Variants in PCDH15 observed in about 807,000 individuals in gnomAD.
PCDH15 encodes protocadherin-15.
Under a neutral mutation model 178.5 loss-of-function variants are expected in PCDH15, and 129 were observed. That is an observed-to-expected ratio of 0.72 (90% CI 0.63 to 0.84). PCDH15 has a LOEUF of 0.84. Ranked by LOEUF, PCDH15 falls within the 40% of genes least tolerant of loss-of-function variation. The probability of loss-of-function intolerance (pLI) is 0.00; values close to 1 mark genes in which losing one functional copy is unlikely to be tolerated. For missense variants in PCDH15, 2,230 were observed against 2,099.9 expected (o/e 1.06, Z -1.21); for synonymous variants, 800 against 732.0 (o/e 1.09, Z -1.50).
chr10:55,590,624 T>C (rs1406006124), intron 2 of PCDH15, among the ~76,000 whole-genome samples: 1 of 152,108 alleles, frequency 6.6e-6, no homozygotes, highest in Non-Finnish European at 1.5e-5. Flanking sequence ...ATGGCAGAAA[T>C]ATTTGTCTGT....
At chr10:54,691,931 TGCCAAGTAATACTTTG>T (rs2095129296) in intron 1 of PCDH15, among the ~76,000 whole-genome samples, 1 of 152,168 alleles carries the variant, frequency 6.6e-6, no homozygotes, top group African/African-American at 2.4e-5. Context: ...ATATAAAGTA[TGCCAAGTAATACTTTG>T]GCCACTTCAC....
intron 2 of PCDH15, among the ~76,000 whole-genome samples, chr10:55,076,749 T>C (rs1312492904): frequency 5.4e-5 from 8 of 148,602 alleles, no homozygotes; most frequent in Non-Finnish European, 1.0e-4. Context: ...TGAGCCATCA[T>C]GTGTGGCCTG....
At chr10:54,924,654 G>C (rs1359884479) in intron 2 of PCDH15, among the ~76,000 whole-genome samples, 1 of 151,902 alleles carries the variant, frequency 6.6e-6, no homozygotes, top group East Asian at 1.9e-4. Flanking sequence ...GGTGTAAGAT[G>C]GTATCCCATT....
chr10:54,610,585 T>C (rs1302171254), intron 2 of PCDH15, among the ~76,000 whole-genome samples: 4 of 151,922 alleles, frequency 2.6e-5, no homozygotes, highest in Admixed American at 2.6e-4. Flanking sequence ...GACAAAACAA[T>C]CCCTGGCTTT....
intron 3 of PCDH15, among the ~76,000 whole-genome samples, chr10:54,438,348 G>A (rs1443046478): frequency 2.0e-5 from 3 of 148,176 alleles, no homozygotes; most frequent in African/African-American, 5.0e-5. Flanking sequence ...TTCTTCTGTC[G>A]GGGAGTGAAT....
chr10:55,287,377 TAAACTTATATG>T (rs1461656834), intron 1 of PCDH15, among the ~76,000 whole-genome samples: 1 of 152,082 alleles, frequency 6.6e-6, no homozygotes, highest in East Asian at 1.9e-4. Context: ...AATAAATCAT[TAAACTTATATG>T]AGTTGGTAAC....
chr10:54,832,329 T>C (rs1399652854), intron 3 of PCDH15, among the ~76,000 whole-genome samples: 2 of 148,710 alleles, frequency 1.3e-5, no homozygotes, highest in Admixed American at 7.0e-5. Context: ...CAATGGAATA[T>C]ATAAATTGAG....
upstream of PCDH15, among the ~76,000 whole-genome samples, chr10:54,802,231 GA>G (rs989607755): frequency 1.1e-4 from 16 of 152,128 alleles, no homozygotes; most frequent in African/African-American, 3.9e-4. Flanking sequence ...CATGCCTCCA[GA>G]AATGTTGCCG....
At chr10:55,468,636 A>G (rs1839891104) in intron 2 of PCDH15, 1 of 152,168 alleles carries the variant, frequency 6.6e-6, no homozygotes, top group South Asian at 2.1e-4. Context: ...GTTATTGTTA[A>G]TTGTTATCCT....
At chr10:55,517,542 T>C (rs945496988) in intron 2 of PCDH15, among the ~76,000 whole-genome samples, 1 of 152,108 alleles carries the variant, frequency 6.6e-6, no homozygotes, top group Non-Finnish European at 1.5e-5. Flanking sequence ...AAAAATAAGC[T>C]GGTAGAAGAA....
At chr10:54,074,119 A>C (rs1444212319) in intron 17 of PCDH15, among the ~76,000 whole-genome samples, 1 of 152,222 alleles carries the variant, frequency 6.6e-6, no homozygotes, top group Non-Finnish European at 1.5e-5. Flanking sequence ...AGCAGAAAAT[A>C]GCCAGCAGGC....
intron 2 of PCDH15, among the ~76,000 whole-genome samples, chr10:54,938,911 G>A (rs1482208098): frequency 2.0e-5 from 3 of 152,114 alleles, no homozygotes; most frequent in African/African-American, 7.2e-5. Context: ...AAAGGATTGT[G>A]GCTAGCATCT....
chr10:53,986,730 C>T (rs1564934792), intron 21 of PCDH15, among the ~76,000 whole-genome samples: 1 of 152,150 alleles, frequency 6.6e-6, no homozygotes, highest in Non-Finnish European at 1.5e-5. Context: ...AGTCATAGGA[C>T]CAATACCGCA....
chr10:55,181,477 A>G (rs1839644676), intron 1 of PCDH15, among the ~76,000 whole-genome samples: 1 of 151,988 alleles, frequency 6.6e-6, no homozygotes, highest in South Asian at 2.1e-4. Flanking sequence ...ACCTTGATCC[A>G]CAATTATGCC....
rs202240183 is a variant in PCDH15, at chr10:54,992,757, GAAAA to G, written c.-79-95261_-79-95258del. Among the ~76,000 whole-genome samples, 3 of 121,084 alleles carry G rather than the reference GAAAA, an allele frequency of 2.5e-5. No homozygotes were observed. In the South Asian group the frequency reaches 7.5e-4, roughly 30 times the overall value. The allele number at this position is 121,084 out of a possible 152,430, so 79.4% of individuals were successfully genotyped here. ...GCGACAGAGTGATCCTCCATCTCAA[GAAAA>G]AAAAAAAAAAAGTGAAGTCAACATG... On this transcript the variant is annotated intron_variant, in intron 2 of 5. Coordinates refer to the PCDH15 transcript ENST00000458638.
At chr10:55,323,526 G>T (rs1228619840), upstream of PCDH15, among the ~76,000 whole-genome samples, 2 of 152,206 alleles carry the variant, frequency 1.3e-5, no homozygotes, top group African/African-American at 4.8e-5. Flanking sequence ...GCATCAGTGT[G>T]ACCTGGATGT....
At chr10:54,945,201 C>G (rs1353864266) in intron 2 of PCDH15, among the ~76,000 whole-genome samples, 1 of 151,518 alleles carries the variant, frequency 6.6e-6, no homozygotes, top group Non-Finnish European at 1.5e-5. Flanking sequence ...GAAACTATTT[C>G]AAAAGGAAGA....
intron 10 of PCDH15, among the ~76,000 whole-genome samples, chr10:54,202,242 C>T (rs550023122): frequency 6.6e-6 from 1 of 151,852 alleles, no homozygotes; most frequent in African/African-American, 2.4e-5. Flanking sequence ...ACTTGCTTTA[C>T]TTACTGAACT....
chr10:55,345,691 T>C (rs12779112), intron 2 of PCDH15, among the ~76,000 whole-genome samples: 3,251 of 152,198 alleles, frequency 0.021, 55 homozygotes, highest in South Asian at 0.071. Flanking sequence ...CTTTTTACTC[T>C]TGTTTTGAAG....
Sources: gnomAD v4.1 joint callset for allele counts (sites outside exome capture counted in the v4.1 genomes callset) on GRCh38, gnomAD v4.1.1 for gene constraint, MANE v1.5 for transcripts, NCBI Gene and HGNC (gene_info 2026-07-23, HGNC 2026-07-21) for gene names.